GOLIM4: variants seen among roughly 807,000 people sequenced by gnomAD.
GOLIM4 encodes golgi integral membrane protein 4.
GOLIM4 carries 71 observed loss-of-function variants against 107.4 expected under a neutral mutation model. That is an observed-to-expected ratio of 0.66 (90% CI 0.55 to 0.81). The LOEUF (loss-of-function observed/expected upper bound fraction) is 0.81, where lower values mean the gene tolerates loss of function less well. Among genes scored for constraint, GOLIM4 ranks in the 30% least tolerant of loss-of-function variants. GOLIM4 has a pLI of 0.00. For synonymous variants in GOLIM4, 327 were observed against 294.8 expected, an observed-to-expected ratio of 1.11 and a Z score of -1.12; for missense variants, 830 against 826.1, an observed-to-expected ratio of 1.00 and a Z score of -0.06.
At chr3:168,051,609 T>A (rs991225152) in intron 1 of GOLIM4, among the ~76,000 whole-genome samples, 3 of 152,064 alleles carry the variant, frequency 2.0e-5, no homozygotes, top group African/African-American at 7.2e-5. Flanking sequence ...TTTTTGCAAA[T>A]ACAGGAGAAA....
intron 14 of GOLIM4, among the ~76,000 whole-genome samples, chr3:168,015,181 C>A (rs1460757006): frequency 7.0e-6 from 1 of 142,128 alleles, no homozygotes; most frequent in Non-Finnish European, 1.5e-5. Flanking sequence ...TGATAAGCAA[C>A]TTCAGCAAAG....
chr3:168,048,633 G>C (rs1396547266), intron 1 of GOLIM4, among the ~76,000 whole-genome samples: 1 of 152,086 alleles, frequency 6.6e-6, no homozygotes, highest in Non-Finnish European at 1.5e-5. Flanking sequence ...TTCCTTCTAG[G>C]CCTCTTAAAT....
chr3:168,094,211 T>C (rs558131235), intron 1 of GOLIM4, among the ~76,000 whole-genome samples: 1 of 152,340 alleles, frequency 6.6e-6, no homozygotes, highest in East Asian at 1.9e-4. Flanking sequence ...AAATTCTGAA[T>C]TTACATTTAA....
intron 1 of GOLIM4, among the ~76,000 whole-genome samples, chr3:168,048,745 T>C (rs544997504): frequency 1.0e-3 from 153 of 152,326 alleles, no homozygotes; most frequent in African/African-American, 3.6e-3. Flanking sequence ...CCCCCACATC[T>C]ACACTTCCAC....
intron 1 of GOLIM4, among the ~76,000 whole-genome samples, chr3:168,055,017 A>C (rs1471272556): frequency 6.6e-6 from 1 of 152,196 alleles, no homozygotes; most frequent in Admixed American, 6.5e-5. Context: ...AGGCCTCCCA[A>C]GCCATGTGGA....
At chr3:168,050,677 A>T (rs1294648701) in intron 1 of GOLIM4, among the ~76,000 whole-genome samples, 3 of 152,080 alleles carry the variant, frequency 2.0e-5, no homozygotes, top group Non-Finnish European at 2.9e-5. Flanking sequence ...GTTAAAAGTG[A>T]ATCTGATTGC....
Position 168,010,214 on chromosome 3 carries a change from T to C in GOLIM4, c.*55A>G, listed in dbSNP as rs1716911244. The stretch of plus-strand genomic sequence containing the variant: ...TAGAGTTCAGTAGGCAGATTTATGT[T>C]TGAGCAGCTTGAAAAGAATCCGTTG... On this transcript the variant is annotated 3_prime_UTR_variant, in exon 16 of 16. Coordinates refer to ENST00000470487, the MANE Select transcript of GOLIM4 (RefSeq NM_014498.5). 6.6e-7 allele frequency: 1 copy of C among 1,519,722 alleles called. No homozygotes were observed. Among genetic ancestry groups the C allele is most frequent in the African/African-American group, 1.4e-5 (1 of 72,038 alleles). The allele number at this position is 1,519,722 out of a possible 1,614,324, so 94.1% of individuals were successfully genotyped here.
intron 1 of GOLIM4, among the ~76,000 whole-genome samples, chr3:168,094,895 C>G (rs1722089600): frequency 1.3e-5 from 2 of 152,188 alleles, no homozygotes; most frequent in Non-Finnish European, 2.9e-5. Context: ...TAAACCTAAC[C>G]GCTGGGAGGA....
In GOLIM4 at chr3:168,076,396, T is replaced by A. The variant is rs189868219; in HGVS notation, c.187+18703A>T. Among the ~76,000 whole-genome samples the A allele has an allele frequency of 4.5e-3, 691 of 152,244 alleles. 2 individuals are homozygous for A. The highest frequency in any genetic ancestry group is 0.016 in the African/African-American group (661 of 41,544). Reference sequence around the variant, plus strand: ...TTTTTAATCCACATAAATTAGTACCTAAAAAAATAAATCCTGGCCGGGCAT... The same window carrying A: ...TTTTTAATCCACATAAATTAGTACCAAAAAAAATAAATCCTGGCCGGGCAT... On this transcript the variant is annotated intron_variant, in intron 1 of 15. Transcript: ENST00000470487.
At chr3:168,052,390 ACACACACACTCTCTCT>A (rs1560091322) in intron 1 of GOLIM4, among the ~76,000 whole-genome samples, 1 of 151,400 alleles carries the variant, frequency 6.6e-6, no homozygotes, top group African/African-American at 2.4e-5. Context: ...ACACTCTCTC[ACACACACACTCTCTCT>A]CACACACACA....
Position 168,043,521 on chromosome 3 carries a change from G to A in GOLIM4, c.375C>T (p.His125=), listed in dbSNP as rs757110869. Residue 125 remains histidine (H), a synonymous_variant, in exon 5 of 16, where the codon CAC becomes CAT. Coordinates refer to ENST00000470487, the MANE Select transcript of GOLIM4 (RefSeq NM_014498.5). ...CACTGTGCTGTTTCTTTAGCTCCTC[G>A]TGTTGGCTCTGCAAAGATGAAAACT... ...NVQHQMLKSQ[H]EELKKQHSDL... is the part of the protein sequence containing the mutation. The A allele has an allele frequency of 1.2e-5, 19 of 1,605,052 alleles. No individual in the cohort carries two copies. The highest frequency in any genetic ancestry group is 1.7e-4 in the Middle Eastern group (1 of 6,042).
Position 168,067,801 on chromosome 3 carries a change from C to T in GOLIM4, c.188-19436G>A, listed in dbSNP as rs371638606. 3.3e-5 allele frequency among the ~76,000 whole-genome samples: 5 copies of T among 151,688 alleles called. No individual in the cohort carries two copies. The East Asian group carries it at 7.7e-4, about 23-fold the overall frequency. On this transcript the variant is annotated intron_variant, in intron 1 of 15. Transcript: ENST00000470487. ...CATCAGAGAATACAACACAGCCATTCGAAAAATAAAAACAAGGCCAGGATT... is the reference window on the plus strand; with the variant it reads ...CATCAGAGAATACAACACAGCCATTTGAAAAATAAAAACAAGGCCAGGATT...
chr3:168,084,810 G>A (rs999226838), intron 1 of GOLIM4, among the ~76,000 whole-genome samples: 37 of 152,122 alleles, frequency 2.4e-4, no homozygotes, highest in Non-Finnish European at 4.4e-5. Context: ...ATAGAATTTT[G>A]GAATTTAAGA....
rs1718095374 is a variant in GOLIM4 at position 168,027,903 on chromosome 3, AG to A, written c.1514-67del. Reference sequence around the variant, plus strand: ...AAACAGGATTTCCCTTTCAACTCAAAGAAAAGCCACCAGTGGACTTTTCTAC... The same window carrying A: ...AAACAGGATTTCCCTTTCAACTCAAAAAAAGCCACCAGTGGACTTTTCTAC... On this transcript the variant is annotated intron_variant, in intron 11 of 15. Transcript: ENST00000470487. 1.1e-4 allele frequency: 113 copies of A among 1,045,720 alleles called. 2 individuals are homozygous for A. In the South Asian group the frequency reaches 1.4e-3, roughly 13 times the overall value. 64.8% of individuals were successfully genotyped at this position (1,045,720 alleles called of 1,614,324 possible). A position where few individuals can be genotyped will look rare whatever the true frequency, so the allele number is the denominator to read the frequency against.
chr3:168,058,450 A>T (rs1306386217), intron 1 of GOLIM4, among the ~76,000 whole-genome samples: 1 of 152,214 alleles, frequency 6.6e-6, no homozygotes, highest in Non-Finnish European at 1.5e-5. Context: ...TTATCAGATG[A>T]AGTCTATTCA....
rs1217861302 is a variant in GOLIM4, at chr3:168,012,753, A to C, written c.1861-1930T>G. 1.0e-3 allele frequency among the ~76,000 whole-genome samples: 157 copies of C among 152,168 alleles called. 1 individual carries two copies. The highest frequency in any genetic ancestry group is 3.6e-3 in the African/African-American group (151 of 41,468). Reference sequence around the variant, plus strand: ...CAATATTCAACATTCTTAAAGACAAAAATTTTCAACCCAGAATTTCATATC... The same window carrying C: ...CAATATTCAACATTCTTAAAGACAACAATTTTCAACCCAGAATTTCATATC... On this transcript the variant is annotated intron_variant, in intron 14 of 15. Coordinates refer to ENST00000470487, the MANE Select transcript of GOLIM4 (RefSeq NM_014498.5).
chr3:168,022,143 AAGTC>A (rs1238170976), intron 14 of GOLIM4, among the ~76,000 whole-genome samples: 2 of 152,144 alleles, frequency 1.3e-5, no homozygotes, highest in African/African-American at 4.8e-5. Context: ...CTTAGAGGCC[AAGTC>A]TGTAAGTTTG....
chr3:168,021,973 A>T (rs1018604707), intron 14 of GOLIM4, among the ~76,000 whole-genome samples: 1 of 152,222 alleles, frequency 6.6e-6, no homozygotes, highest in Non-Finnish European at 1.5e-5. Context: ...AAACGTTTGG[A>T]ATGTAAGCAA....
intron 1 of GOLIM4, among the ~76,000 whole-genome samples, chr3:168,070,290 G>T (rs930708127): frequency 6.6e-6 from 1 of 152,242 alleles, no homozygotes; most frequent in Non-Finnish European, 1.5e-5. Flanking sequence ...CTACTCAGGA[G>T]GCTAAGGCAG....
Sources: allele counts gnomAD v4.1 joint callset (sites outside exome capture counted in the v4.1 genomes callset), GRCh38; gene constraint gnomAD v4.1.1; transcripts MANE v1.5; gene names NCBI Gene and HGNC (gene_info 2026-07-23, HGNC 2026-07-21).